ELFN2: variants seen among roughly 807,000 people sequenced by gnomAD.
The protein encoded by ELFN2 is protein phosphatase 1 regulatory subunit 29.
Under a neutral mutation model 45.5 loss-of-function variants are expected in ELFN2, and 17 were observed. That is an observed-to-expected ratio of 0.37 (90% CI 0.26 to 0.56). The LOEUF (loss-of-function observed/expected upper bound fraction) is 0.56, where lower values mean the gene tolerates loss of function less well. Ranked by LOEUF, ELFN2 falls within the 20% of genes least tolerant of loss-of-function variation. The probability of loss-of-function intolerance (pLI) is 0.77; values close to 1 mark genes in which losing one functional copy is unlikely to be tolerated. For missense variants in ELFN2, 922 were observed against 1,183.2 expected, an observed-to-expected ratio of 0.78 and a Z score of 3.24; for synonymous variants, 550 against 551.5, an observed-to-expected ratio of 1.00 and a Z score of 0.04.
Position 37,374,844 on chromosome 22 carries a change from G to A in ELFN2, c.691C>T (p.Pro231Ser). The A allele has an allele frequency of 6.2e-7, 1 of 1,607,598 alleles. No homozygotes were observed. Among genetic ancestry groups the A allele is most frequent in the Non-Finnish European group, 8.5e-7 (1 of 1,179,812 alleles). The change falls in exon 3 of 3, where the codon CCC (proline) becomes TCC (serine). Residue 231 changes from proline (P) to serine (S), a missense_variant. Pro to Ser is a moderately conservative substitution (Grantham distance 74). Transcript: ENST00000402918. ...GTGATGGCGTTGAGGCTGTGGTAGG[G>A]CCGGGGCACCAGCAGCGGGTAGCCG... ...FAGYPLLVPRPYHSLNAITVL... is the reference protein window; with the variant it reads ...FAGYPLLVPRSYHSLNAITVL...
downstream of ELFN2, among the ~76,000 whole-genome samples, chr22:37,366,959 C>T (rs1048512336): frequency 3.9e-5 from 6 of 152,206 alleles, no homozygotes; most frequent in African/African-American, 1.4e-4. Flanking sequence ...TGGAGGCAGG[C>T]AGGGGGGCAG....
In ELFN2 at chr22:37,375,753, C is replaced by T; in HGVS notation, c.-219G>A. 1 of 585,820 alleles carries T rather than the reference C, an allele frequency of 1.7e-6. No homozygotes were observed. The highest frequency in any genetic ancestry group is 3.0e-6 in the Non-Finnish European group (1 of 329,028). The allele number at this position is 585,820 out of a possible 1,614,324, so 36.3% of individuals were successfully genotyped here. On this transcript the variant is annotated 5_prime_UTR_variant, in exon 3 of 3. Transcript: ENST00000402918. ...GCCTGGCTAGGGCTGGGGGTGGGGG[C>T]CCCACAGCCTGCTCCCCACCGCAGC...
chr22:37,420,300 C>G (rs1932800296), intron 1 of ELFN2: 2 of 152,558 alleles, frequency 1.3e-5, no homozygotes, highest in Non-Finnish European at 2.9e-5. Flanking sequence ...CGTGCGCCCC[C>G]AGGACGGACA....
intron 2 of ELFN2, among the ~76,000 whole-genome samples, chr22:37,390,490 C>A (rs1932062259): frequency 6.6e-6 from 1 of 152,192 alleles, no homozygotes; most frequent in Non-Finnish European, 1.5e-5. Flanking sequence ...GCAAAGGGCC[C>A]AGCGTGAGCC....
chr22:37,361,894 C>A (rs998235002), intron 1 of ELFN2, among the ~76,000 whole-genome samples: 5 of 152,198 alleles, frequency 3.3e-5, no homozygotes, highest in Admixed American at 2.6e-4. Flanking sequence ...ACCCTCTTCT[C>A]GCCCACAGCA....
At chr22:37,386,689 C>T (rs953878367) in intron 2 of ELFN2, among the ~76,000 whole-genome samples, 1 of 152,162 alleles carries the variant, frequency 6.6e-6, no homozygotes, top group Non-Finnish European at 1.5e-5. Context: ...GACATCGAGC[C>T]CCGGAAACTC....
intron 2 of ELFN2, among the ~76,000 whole-genome samples, chr22:37,395,272 C>G (rs1932186246): frequency 6.6e-6 from 1 of 152,122 alleles, no homozygotes; most frequent in Admixed American, 6.5e-5. Context: ...GTGCCTGGTT[C>G]CAGCACCAGA....
At chr22:37,391,617 C>G (rs958805566) in intron 2 of ELFN2, among the ~76,000 whole-genome samples, 1 of 152,196 alleles carries the variant, frequency 6.6e-6, no homozygotes, top group Non-Finnish European at 1.5e-5. Flanking sequence ...TCCCCAGATA[C>G]AAGTCCAGCT....
chr22:37,351,324 G>T (rs940715056), intron 1 of ELFN2, among the ~76,000 whole-genome samples: 2 of 150,044 alleles, frequency 1.3e-5, no homozygotes, highest in African/African-American at 2.4e-5. Flanking sequence ...AATTAGACTG[G>T]CTCTGGCAGG....
intron 1 of ELFN2, among the ~76,000 whole-genome samples, chr22:37,419,564 A>G (rs1569144979): frequency 6.6e-6 from 1 of 152,030 alleles, no homozygotes; most frequent in Non-Finnish European, 1.5e-5. Context: ...CGGCCACTGC[A>G]CAGACGCACA....
intron 2 of ELFN2, among the ~76,000 whole-genome samples, chr22:37,404,757 G>A (rs1932452875): frequency 6.6e-6 from 1 of 152,184 alleles, no homozygotes; most frequent in African/African-American, 2.4e-5. Context: ...GGGAGTGGAT[G>A]CTGGTGCTCA....
intron 1 of ELFN2, among the ~76,000 whole-genome samples, chr22:37,420,829 C>T (rs754725461): frequency 6.6e-6 from 1 of 152,118 alleles, no homozygotes; most frequent in African/African-American, 2.4e-5. Context: ...GCTGCTGTGG[C>T]GCGGAAGGTT....
chr22:37,373,121 T>C lies in ELFN2; in HGVS notation c.2414A>G (p.His805Arg). Residue 805 changes from histidine to arginine, a missense_variant, in exon 3 of 3, where the codon CAT becomes CGT. His to Arg is a conservative substitution (Grantham distance 29). Around this residue, in one of 2 missense-constraint regions of ELFN2, gnomAD observed 564 missense variants for 642.8 expected, o/e 0.88. Coordinates refer to ENST00000402918, the MANE Select transcript of ELFN2 (RefSeq NM_052906.5). The part of the protein sequence containing the change: ...KVQFAKDEDL[H>R]DILDYWKGVS... ...CCCCTTCCAGTAATCAAGGATGTCATGCAGATCCTCGTCCTTGGCGAACTG... is the reference window on the plus strand; with the variant it reads ...CCCCTTCCAGTAATCAAGGATGTCACGCAGATCCTCGTCCTTGGCGAACTG... 6 of 1,611,498 alleles carry C rather than the reference T, an allele frequency of 3.7e-6. No homozygotes were observed. Among genetic ancestry groups the C allele is most frequent in the Non-Finnish European group, 5.1e-6 (6 of 1,178,126 alleles).
Position 37,369,562 on chromosome 22 carries a change from G to A in ELFN2, c.*3510C>T, listed in dbSNP as rs1269905036. 6.6e-6 allele frequency: 1 copy of A among 152,254 alleles called. No individual in the cohort carries two copies. Among genetic ancestry groups the A allele is most frequent in the South Asian group, 2.1e-4 (1 of 4,830 alleles). 9.4% of individuals were successfully genotyped at this position (152,254 alleles called of 1,614,324 possible). ...CGTGACGAGGTTTCCCCACCAACCA[G>A]GCTTTCTTGCCTTCATGCCAGACCT... On this transcript the variant is annotated 3_prime_UTR_variant, in exon 3 of 3. Coordinates refer to ENST00000402918, the MANE Select transcript of ELFN2 (RefSeq NM_052906.5).
intron 2 of ELFN2, among the ~76,000 whole-genome samples, chr22:37,381,485 C>A (rs960586910): frequency 6.6e-6 from 1 of 152,032 alleles, no homozygotes; most frequent in Non-Finnish European, 1.5e-5. Flanking sequence ...GAATGTTCTT[C>A]CCCCAGAATC....
In ELFN2 at chr22:37,374,882, G is replaced by A. The variant is rs1349854042; in HGVS notation, c.653C>T (p.Pro218Leu). 6 of 1,610,692 alleles carry A rather than the reference G, an allele frequency of 3.7e-6. No individual in the cohort carries two copies. Among genetic ancestry groups the A allele is most frequent in the Non-Finnish European group, 5.1e-6 (6 of 1,179,878 alleles). ...CAGCGGGTAGCCGGCAAACTCCCGCGGCGACTCACACTGCAGGCGGTCGTA... is the reference window on the plus strand; with the variant it reads ...CAGCGGGTAGCCGGCAAACTCCCGCAGCGACTCACACTGCAGGCGGTCGTA... Reference protein sequence around the residue: ...KNYDRLQCESPREFAGYPLLV... With the variant: ...KNYDRLQCESLREFAGYPLLV... The change falls in exon 3 of 3, where the codon CCG (proline) becomes CTG (leucine). Residue 218 changes from proline to leucine, a missense_variant. Pro to Leu is a moderately conservative substitution (Grantham distance 98). Coordinates refer to ENST00000402918, the MANE Select transcript of ELFN2 (RefSeq NM_052906.5).
chr22:37,342,507 A>G (rs1412222021), intron 2 of ELFN2: 2 of 152,122 alleles, frequency 1.3e-5, no homozygotes, highest in African/African-American at 4.8e-5. Context: ...CCCTCCCCCG[A>G]GGTGCAGCCC....
At chr22:37,351,582 C>A (rs1930822121) in intron 1 of ELFN2, among the ~76,000 whole-genome samples, 1 of 150,388 alleles carries the variant, frequency 6.6e-6, no homozygotes, top group Non-Finnish European at 1.5e-5. Context: ...TCCAGCGTCC[C>A]CCCCACCCTC....
At chr22:37,379,362 C>T (rs1931684266) in intron 2 of ELFN2, among the ~76,000 whole-genome samples, 1 of 152,136 alleles carries the variant, frequency 6.6e-6, no homozygotes. Flanking sequence ...GGCGCAGAGG[C>T]CTCTTCTGCC....
Sources: allele counts gnomAD v4.1 joint callset (sites outside exome capture counted in the v4.1 genomes callset), GRCh38; gene constraint gnomAD v4.1.1; regional missense constraint gnomAD v4.1.1; transcripts MANE v1.5; gene names NCBI Gene and HGNC (gene_info 2026-07-23, HGNC 2026-07-21).